Variants in ACTN4 observed in about 807,000 individuals in gnomAD.
ACTN4 encodes the protein actinin alpha 4.
A neutral mutation model predicts 114.2 loss-of-function variants in ACTN4; 18 were observed. The ratio of observed to expected loss-of-function variants is 0.16; its 90% CI spans 0.11 to 0.23. The LOEUF (loss-of-function observed/expected upper bound fraction) is 0.23, where lower values mean the gene tolerates loss of function less well. Among genes scored for constraint, ACTN4 ranks in the 10% least tolerant of loss-of-function variants. ACTN4 has a pLI of 1.00. For missense variants in ACTN4, 722 were observed against 1,262.9 expected, an observed-to-expected ratio of 0.57 and a Z score of 6.49; for synonymous variants, 515 against 506.3, an observed-to-expected ratio of 1.02 and a Z score of -0.23.
At chr19:38,651,384 C>T (rs1976558174) in intron 1 of ACTN4, among the ~76,000 whole-genome samples, 1 of 152,178 alleles carries the variant, frequency 6.6e-6, no homozygotes, top group Admixed American at 6.5e-5. Flanking sequence ...GATGGAGAAG[C>T]ATTGTTCTGG....
chr19:38,714,777 C>T (rs994398948), intron 9 of ACTN4, among the ~76,000 whole-genome samples: 8 of 152,216 alleles, frequency 5.3e-5, no homozygotes, highest in Non-Finnish European at 1.2e-4. Flanking sequence ...TGCCAGCCAG[C>T]CCCTGGGCTC....
intron 8 of ACTN4, among the ~76,000 whole-genome samples, 170 bp from the exon 9 acceptor site, chr19:38,714,299 G>A (rs1360591207): frequency 6.6e-6 from 1 of 152,212 alleles, no homozygotes; most frequent in Non-Finnish European, 1.5e-5. Flanking sequence ...CAGTGAGGAT[G>A]CCAACAAGGC....
At chr19:38,684,514 G>A (rs1378608835) in intron 1 of ACTN4, among the ~76,000 whole-genome samples, 2 of 152,170 alleles carry the variant, frequency 1.3e-5, no homozygotes, top group African/African-American at 4.8e-5. Flanking sequence ...AGCAGCAGGG[G>A]CCCCTTTGTC....
chr19:38,710,381 C>T (rs780060933), intron 8 of ACTN4, 39 bp downstream of exon 8: 65 of 1,592,408 alleles, frequency 4.1e-5, no homozygotes, highest in Non-Finnish European at 5.0e-5. Flanking sequence ...TCGCCGCCAC[C>T]GCGCAATGCC....
intron 19 of ACTN4, 103 bp downstream of exon 19, chr19:38,728,129 G>A (rs1411041937): frequency 7.0e-7 from 1 of 1,419,774 alleles, no homozygotes; most frequent in Non-Finnish European, 9.7e-7. Context: ...CATCCTGTGT[G>A]CCATCTCATG....
At chr19:38,700,742 C>A in intron 2 of ACTN4, 28 bp downstream of exon 2, 1 of 1,589,352 alleles carries the variant, frequency 6.3e-7, no homozygotes, top group Non-Finnish European at 8.6e-7. Flanking sequence ...GCAGTGCGGC[C>A]GAGCCCTGGC....
Position 38,721,614 on chromosome 19 carries a change from C to T in ACTN4, c.1368C>T (p.His456=), listed in dbSNP as rs372178071. The change falls in exon 12 of 21, where the codon CAC becomes CAT. Residue 456 remains histidine, a synonymous_variant. Coordinates refer to ENST00000252699, the MANE Select transcript of ACTN4 (RefSeq NM_004924.6). ...LSDIKALIRK[H]EAFESDLAAH... ...ACATCAAAGCCCTCATTCGCAAGCA[C>T]GAGGCCTTCGAGAGCGACCTGGCTG... 6.8e-6 allele frequency: 11 copies of T among 1,613,946 alleles called. No individual in the cohort carries two copies. Among genetic ancestry groups the T allele is most frequent in the South Asian group, 2.2e-5 (2 of 91,090 alleles).
intron 12 of ACTN4, among the ~76,000 whole-genome samples, chr19:38,722,908 G>A (rs966054463): frequency 6.6e-6 from 1 of 152,150 alleles, no homozygotes; most frequent in African/African-American, 2.4e-5. Flanking sequence ...CGGAAGGGAG[G>A]GCTGTCCGGG....
intron 19 of ACTN4, chr19:38,728,234 T>G: frequency 6.9e-7 from 1 of 1,457,822 alleles, no homozygotes; most frequent in Non-Finnish European, 9.4e-7. Context: ...CACTGTCCTG[T>G]CTGCCTGCTG....
In ACTN4 at chr19:38,731,463, A is replaced by C; in HGVS notation, c.*2031A>C. 1.8e-6 allele frequency: 1 copy of C among 564,322 alleles called. No individual in the cohort carries two copies. Among genetic ancestry groups the C allele is most frequent in the Non-Finnish European group, 3.2e-6 (1 of 312,706 alleles). 35.0% of individuals were successfully genotyped at this position (564,322 alleles called of 1,614,324 possible). Reference sequence around the variant, plus strand: ...GGTGTGTGAAGACAGAACGCTCAGGACAGCGTCTGACACGTGACTCGATGT... The same window carrying C: ...GGTGTGTGAAGACAGAACGCTCAGGCCAGCGTCTGACACGTGACTCGATGT... On this transcript the variant is annotated 3_prime_UTR_variant, in exon 21 of 21. Coordinates refer to ENST00000252699, the MANE Select transcript of ACTN4 (RefSeq NM_004924.6).
At chr19:38,648,165 T>A in intron 1 of ACTN4, 1 of 378,498 alleles carries the variant, frequency 2.6e-6, no homozygotes, top group Non-Finnish European at 4.7e-6. Context: ...GGAAGGCTGA[T>A]GAAGGATTTG....
At chr19:38,676,326 A>G (rs1234794091) in intron 1 of ACTN4, among the ~76,000 whole-genome samples, 2 of 152,364 alleles carry the variant, frequency 1.3e-5, no homozygotes, top group East Asian at 3.9e-4. Context: ...GATTCCTGGA[A>G]AGAAGCAGCA....
intron 8 of ACTN4, among the ~76,000 whole-genome samples, chr19:38,713,798 C>G (rs1051945166): frequency 2.6e-5 from 4 of 151,736 alleles, no homozygotes; most frequent in Non-Finnish European, 4.4e-5. Flanking sequence ...TACCTGGTCT[C>G]TCTCTCCCCG....
At chr19:38,680,935 G>A (rs944323153) in intron 1 of ACTN4, among the ~76,000 whole-genome samples, 1 of 151,922 alleles carries the variant, frequency 6.6e-6, no homozygotes, top group Non-Finnish European at 1.5e-5. Context: ...AGACCAGCCT[G>A]GCCAACATGG....
Position 38,681,305 on chromosome 19 carries a change from C to T in ACTN4, c.163-19295C>T, listed in dbSNP as rs142287661. Among the ~76,000 whole-genome samples, 326 of 152,160 alleles carry T rather than the reference C, an allele frequency of 2.1e-3. 1 individual carries two copies. The highest frequency in any genetic ancestry group is 7.5e-3 in the African/African-American group (312 of 41,500). ...TCATCTGTGCCCATGTCTCCCTCAG[C>T]AGCCTCCTGACTGGCCTTCTCCAGT... On this transcript the variant is annotated intron_variant, in intron 1 of 20. Transcript: ENST00000252699.
chr19:38,666,285 C>G (rs1444801757), intron 1 of ACTN4, among the ~76,000 whole-genome samples: 1 of 152,180 alleles, frequency 6.6e-6, no homozygotes, highest in Non-Finnish European at 1.5e-5. Flanking sequence ...GAATGTCCGC[C>G]TCCCAGCCTC....
intron 1 of ACTN4, among the ~76,000 whole-genome samples, chr19:38,648,782 G>A (rs567304286): frequency 6.6e-6 from 1 of 152,080 alleles, no homozygotes; most frequent in East Asian, 1.9e-4. Flanking sequence ...ACGGAGAGTG[G>A]GGATAATTTG....
At chr19:38,706,829 G>C (rs1968475772) in intron 5 of ACTN4, among the ~76,000 whole-genome samples, 1 of 152,256 alleles carries the variant, frequency 6.6e-6, no homozygotes, top group East Asian at 1.9e-4. Context: ...ACAAGCCTCA[G>C]CTCCACCATG....
Position 38,717,483 on chromosome 19 carries a change from A to G in ACTN4, c.1143+167A>G, listed in dbSNP as rs1200375410. 6.6e-6 allele frequency among the ~76,000 whole-genome samples: 1 copy of G among 152,108 alleles called. No homozygotes were observed. Reference sequence around the variant, plus strand: ...CGGGGAGGGGTGCACTTCACTCGGCATTGTGCTCCCCTTTGGCCCTCACTC... The same window carrying G: ...CGGGGAGGGGTGCACTTCACTCGGCGTTGTGCTCCCCTTTGGCCCTCACTC... On this transcript the variant is annotated intron_variant, in intron 10 of 20. Coordinates refer to ENST00000252699, the MANE Select transcript of ACTN4 (RefSeq NM_004924.6). The surrounding 1 kb of genome is among the most constrained non-coding windows in gnomAD (Gnocchi z 4.0).
Sources: allele counts gnomAD v4.1 joint callset (sites outside exome capture counted in the v4.1 genomes callset), GRCh38; gene constraint gnomAD v4.1.1; non-coding constraint Gnocchi (gnomAD v3.1); transcripts MANE v1.5; gene names NCBI Gene and HGNC (gene_info 2026-07-23, HGNC 2026-07-21).